SDAD1: variants seen among roughly 807,000 people sequenced by gnomAD.
The protein encoded by SDAD1 is protein SDA1 homolog.
SDAD1 carries 79 observed loss-of-function variants against 100.3 expected under a neutral mutation model. That is an observed-to-expected ratio of 0.79 (90% CI 0.66 to 0.95). SDAD1 has a LOEUF of 0.95. SDAD1 is among the 40% of genes least tolerant of loss of function. The pLI, the probability that SDAD1 is intolerant of heterozygous loss-of-function variation, is 0.00. For missense variants in SDAD1, 790 were observed against 810.9 expected (o/e 0.97, Z 0.31); for synonymous variants, 267 against 271.4 (o/e 0.98, Z 0.16).
At chr4:75,969,502 T>G in intron 10 of SDAD1, 103 bp from the exon 11 acceptor site, 2 of 706,716 alleles carry the variant, frequency 2.8e-6, no homozygotes, top group Non-Finnish European at 4.8e-6. Flanking sequence ...GTGAATAGAC[T>G]GACAAACAGG....
At chr4:75,967,361 C>T (rs1013176288) in intron 11 of SDAD1, 27 bp from the exon 12 acceptor site, 5 of 1,593,264 alleles carry the variant, frequency 3.1e-6, no homozygotes, top group Non-Finnish European at 3.4e-6. Context: ...GACTTTAATA[C>T]TGATGCAGCT....
chr4:75,970,681 T>A (rs1189985895), intron 9 of SDAD1, among the ~76,000 whole-genome samples: 1 of 152,218 alleles, frequency 6.6e-6, no homozygotes, highest in Non-Finnish European at 1.5e-5. Flanking sequence ...AATCCCTGCA[T>A]GTCGAGGGAA....
chr4:75,984,733 C>G (rs936937441), intron 1 of SDAD1, among the ~76,000 whole-genome samples: 2 of 149,510 alleles, frequency 1.3e-5, no homozygotes, highest in African/African-American at 4.9e-5. Flanking sequence ...TCCACCCATA[C>G]ATAGTCTATG....
chr4:75,967,361 C>CTGAT, intron 11 of SDAD1, 27 bp from the exon 12 acceptor site: 2 of 1,593,264 alleles, frequency 1.3e-6, no homozygotes, highest in South Asian at 2.2e-5. Flanking sequence ...GACTTTAATA[C>CTGAT]TGATGCAGCT....
chr4:75,971,512 G>A (rs1373500227), intron 8 of SDAD1, 54 bp from the exon 9 acceptor site: 1 of 1,301,844 alleles, frequency 7.7e-7, no homozygotes, highest in Non-Finnish European at 1.1e-6. Flanking sequence ...TGCATAGAAT[G>A]AAAGAGTAAA....
At chr4:75,983,166 C>T (rs960761212) in intron 1 of SDAD1, among the ~76,000 whole-genome samples, 1 of 152,086 alleles carries the variant, frequency 6.6e-6, no homozygotes, top group African/African-American at 2.4e-5. Context: ...TATATATGTG[C>T]CATATTTTCT....
chr4:75,967,152 C>A, intron 12 of SDAD1, 125 bp downstream of exon 12: 1 of 823,980 alleles, frequency 1.2e-6, no homozygotes, highest in Non-Finnish European at 1.9e-6. Flanking sequence ...AAAACAAGGG[C>A]TTCTCTTCAC....
rs1728545815 is a variant in SDAD1, at chr4:75,950,126, A to G, written c.*624T>C. 8.7e-6 allele frequency: 1 copy of G among 115,446 alleles called. No individual in the cohort carries two copies. Among genetic ancestry groups the G allele is most frequent in the Non-Finnish European group, 1.8e-5 (1 of 56,768 alleles). 7.2% of individuals were successfully genotyped at this position (115,446 alleles called of 1,614,324 possible). On this transcript the variant is annotated 3_prime_UTR_variant, in exon 22 of 22. Transcript: ENST00000356260. ...GCATTCAAAACAAAAACAAAAACAA[A>G]AAAAACACGGGGGGGGGGGGGTCAC...
At chr4:75,960,583 T>G (rs1729174016) in intron 16 of SDAD1, among the ~76,000 whole-genome samples, 2 of 152,240 alleles carry the variant, frequency 1.3e-5, no homozygotes, top group African/African-American at 2.4e-5. Flanking sequence ...TTGATCTAGA[T>G]CAAGACACTG....
intron 1 of SDAD1, among the ~76,000 whole-genome samples, chr4:75,988,732 C>T (rs190445182): frequency 2.4e-4 from 37 of 152,190 alleles, no homozygotes; most frequent in African/African-American, 7.2e-4. Context: ...GTCAAATGAA[C>T]GAACTTCAGG....
chr4:75,950,534 T>A lies in SDAD1; in HGVS notation c.*216A>T. 2 of 461,534 alleles carry A rather than the reference T, an allele frequency of 4.3e-6. No homozygotes were observed. 28.6% of individuals were successfully genotyped at this position (461,534 alleles called of 1,614,324 possible). A position where few individuals can be genotyped will look rare whatever the true frequency, so the allele number is the denominator to read the frequency against. ...TACTTTTTTTTGCATGAATGATAAA[T>A]GAAATGATTTTACATTACCACCACT... On this transcript the variant is annotated 3_prime_UTR_variant, in exon 22 of 22. Transcript: ENST00000356260.
intron 21 of SDAD1, among the ~76,000 whole-genome samples, chr4:75,953,621 G>A (rs572126504): frequency 1.3e-5 from 2 of 152,330 alleles, no homozygotes; most frequent in South Asian, 4.1e-4. Context: ...TCAACAGGGA[G>A]AGCTAAATGG....
intron 13 of SDAD1, among the ~76,000 whole-genome samples, chr4:75,964,736 C>A (rs948764027): frequency 5.9e-5 from 9 of 152,332 alleles, no homozygotes; most frequent in Non-Finnish European, 1.3e-4. Context: ...GTGAAGATTT[C>A]ATGGACATTT....
chr4:75,961,507 C>T (rs1015815494), intron 14 of SDAD1, among the ~76,000 whole-genome samples, 199 bp from the exon 15 acceptor site: 1 of 152,046 alleles, frequency 6.6e-6, no homozygotes, highest in Non-Finnish European at 1.5e-5. Flanking sequence ...ACTGCCATTT[C>T]CTCTACTGGT....
chr4:75,957,720 A>G lies in SDAD1; in HGVS notation c.1579-12T>C. On this transcript the variant is annotated splice_polypyrimidine_tract_variant and intron_variant, in intron 18 of 21. Transcript: ENST00000356260. Reference sequence around the variant, plus strand: ...TTCAGCTTCTTGGACTTGAAACCACACAAGGGCTTAAATGGCTACCAGCTC... The same window carrying G: ...TTCAGCTTCTTGGACTTGAAACCACGCAAGGGCTTAAATGGCTACCAGCTC... 6.2e-7 allele frequency: 1 copy of G among 1,614,066 alleles called. No individual in the cohort carries two copies. Among genetic ancestry groups the G allele is most frequent in the Non-Finnish European group, 8.5e-7 (1 of 1,179,926 alleles).
intron 9 of SDAD1, among the ~76,000 whole-genome samples, chr4:75,971,072 T>C (rs908179481): frequency 1.3e-5 from 2 of 152,276 alleles, no homozygotes; most frequent in South Asian, 2.1e-4. Context: ...ACTGCATTTA[T>C]GTACTCTTCT....
At chr4:75,959,097 C>CAGAAAA (rs1729074239) in intron 17 of SDAD1, among the ~76,000 whole-genome samples, 1 of 54,984 alleles carries the variant, frequency 1.8e-5, no homozygotes, top group Non-Finnish European at 3.1e-5. Context: ...GACTCTGTCT[C>CAGAAAA]AAAAAAAAAA....
chr4:75,990,255 T>C lies in SDAD1; in HGVS notation c.90+497A>G, dbSNP rs1416582862. Among the ~76,000 whole-genome samples the C allele has an allele frequency of 3.5e-5, 5 of 143,340 alleles. No individual in the cohort carries two copies. In the East Asian group the frequency reaches 1.1e-3, roughly 30 times the overall value. 94.0% of individuals were successfully genotyped at this position (143,340 alleles called of 152,430 possible). A position where few individuals can be genotyped will look rare whatever the true frequency, so the allele number is the denominator to read the frequency against. ...ACTAAATATACTAAGCTCCCGAGTC[T>C]GTCCGTTGTGCTTGAGAAACCCCCC... On this transcript the variant is annotated intron_variant, in intron 1 of 21. Transcript: ENST00000356260.
At chr4:75,973,659 G>C (rs997822019) in intron 7 of SDAD1, among the ~76,000 whole-genome samples, 2 of 152,112 alleles carry the variant, frequency 1.3e-5, no homozygotes, top group African/African-American at 4.8e-5. Context: ...TATAAGAAAA[G>C]TGACATTGCA....
Sources: allele counts gnomAD v4.1 joint callset (sites outside exome capture counted in the v4.1 genomes callset), GRCh38; gene constraint gnomAD v4.1.1; transcripts MANE v1.5; gene names NCBI Gene and HGNC (gene_info 2026-07-23, HGNC 2026-07-21).